Variants in DSCAM observed in about 807,000 individuals in gnomAD.
The protein encoded by DSCAM is DS cell adhesion molecule, also known as cell adhesion molecule DSCAM.
Under a neutral mutation model 217.7 loss-of-function variants are expected in DSCAM, and 47 were observed. That is an observed-to-expected ratio of 0.22 (90% CI 0.17 to 0.28). The LOEUF (loss-of-function observed/expected upper bound fraction) is 0.28, where lower values mean the gene tolerates loss of function less well. DSCAM is among the 10% of genes least tolerant of loss of function. The pLI is 1.00. For missense variants in DSCAM, 2,080 were observed against 2,618.3 expected, an observed-to-expected ratio of 0.79 and a Z score of 4.49; for synonymous variants, 1,056 against 1,015.3, an observed-to-expected ratio of 1.04 and a Z score of -0.76.
intron 3 of DSCAM, among the ~76,000 whole-genome samples, chr21:40,398,496 T>C (rs2123769352): frequency 6.6e-6 from 1 of 152,152 alleles, no homozygotes; most frequent in East Asian, 1.9e-4. Context: ...ACAAAATGAT[T>C]GGAGCTGGAC....
chr21:40,318,496 T>C (rs2074225397), intron 8 of DSCAM, among the ~76,000 whole-genome samples: 1 of 152,178 alleles, frequency 6.6e-6, no homozygotes, highest in Admixed American at 6.5e-5. Context: ...TCCCCTCTGC[T>C]GGCAGGGCCA....
In DSCAM at chr21:40,144,911, C is replaced by T. The variant is rs578082483; in HGVS notation, c.3019-180G>A. ...TGCAACTTGGTCTGTGCCAGGCACCCTTCCTTTACCTGTGAATGCATCCGG... is the reference window on the plus strand; with the variant it reads ...TGCAACTTGGTCTGTGCCAGGCACCTTTCCTTTACCTGTGAATGCATCCGG... On this transcript the variant is annotated intron_variant, in intron 16 of 32. Transcript: ENST00000400454. The surrounding 1 kb of genome is among the most constrained non-coding windows in gnomAD (Gnocchi z 4.8). Among the ~76,000 whole-genome samples, 9 of 152,134 alleles carry T rather than the reference C, an allele frequency of 5.9e-5. No homozygotes were observed. Among genetic ancestry groups the T allele is most frequent in the Non-Finnish European group, 1.3e-4 (9 of 68,028 alleles).
intron 3 of DSCAM, among the ~76,000 whole-genome samples, chr21:40,402,048 C>CTT (rs1569105527): frequency 3.0e-5 from 3 of 100,162 alleles, no homozygotes; most frequent in East Asian, 3.1e-4. Context: ...TATTCTTATT[C>CTT]CTTTTTTTTT....
intron 15 of DSCAM, among the ~76,000 whole-genome samples, chr21:40,177,339 T>C (rs979372958): frequency 1.3e-5 from 2 of 152,216 alleles, no homozygotes; most frequent in Non-Finnish European, 2.9e-5. Flanking sequence ...ATAATGTCCA[T>C]TTTGCAGATG....
chr21:40,292,315 C>A (rs377740818), intron 10 of DSCAM, among the ~76,000 whole-genome samples: 38 of 151,342 alleles, frequency 2.5e-4, no homozygotes, highest in Non-Finnish European at 4.0e-4. Flanking sequence ...AGGAAACAAG[C>A]TGAATCTGTT....
At chr21:40,660,515 A>T (rs192211122) in intron 3 of DSCAM, among the ~76,000 whole-genome samples, 18 of 152,342 alleles carry the variant, frequency 1.2e-4, no homozygotes, top group Admixed American at 2.6e-4. Flanking sequence ...CTGCTGCCAA[A>T]ACATGGCCCA....
At chr21:40,095,190 A>G (rs2089661056) in intron 20 of DSCAM, among the ~76,000 whole-genome samples, 1 of 152,218 alleles carries the variant, frequency 6.6e-6, no homozygotes, top group South Asian at 2.1e-4. Context: ...AAACCATTAT[A>G]TCTCAGGAGA....
At chr21:40,396,682 A>G (rs542247682) in intron 3 of DSCAM, among the ~76,000 whole-genome samples, 17 of 151,278 alleles carry the variant, frequency 1.1e-4, no homozygotes, top group African/African-American at 3.6e-4. Flanking sequence ...CACTGCTGCT[A>G]CTACTACTAC....
chr21:40,156,198 G>A (rs927761557), intron 16 of DSCAM, among the ~76,000 whole-genome samples: 1 of 151,740 alleles, frequency 6.6e-6, no homozygotes, highest in Admixed American at 6.6e-5. Context: ...AGCCAGTAGC[G>A]GGTGAGAGTG....
chr21:40,636,281 G>A (rs2089757291), intron 3 of DSCAM, among the ~76,000 whole-genome samples: 1 of 152,054 alleles, frequency 6.6e-6, no homozygotes, highest in Non-Finnish European at 1.5e-5. Context: ...CTGGCATACT[G>A]TGGTTCTCGG....
chr21:40,791,273 T>C (rs190183589), intron 1 of DSCAM, among the ~76,000 whole-genome samples: 2 of 152,144 alleles, frequency 1.3e-5, no homozygotes, highest in Non-Finnish European at 2.9e-5. Flanking sequence ...TTTATGTCTA[T>C]CTTCCAAGAA....
intron 3 of DSCAM, among the ~76,000 whole-genome samples, chr21:40,485,848 T>G (rs1445961075): frequency 6.6e-6 from 1 of 152,098 alleles, no homozygotes; most frequent in Non-Finnish European, 1.5e-5. Flanking sequence ...ACATACACAC[T>G]GACTTTTCAC....
intron 6 of DSCAM, among the ~76,000 whole-genome samples, chr21:40,346,035 C>G (rs770252211): frequency 1.3e-5 from 2 of 152,180 alleles, no homozygotes; most frequent in Non-Finnish European, 2.9e-5. Context: ...CTTCTGACAT[C>G]GTTATGGATC....
intron 3 of DSCAM, among the ~76,000 whole-genome samples, chr21:40,653,530 G>A (rs1002674152): frequency 6.6e-6 from 1 of 152,096 alleles, no homozygotes; most frequent in Non-Finnish European, 1.5e-5. Context: ...CTTGGTAGCT[G>A]CAGATGCCGG....
At chr21:40,487,940 T>C (rs1478635329) in intron 3 of DSCAM, among the ~76,000 whole-genome samples, 1 of 152,220 alleles carries the variant, frequency 6.6e-6, no homozygotes, top group Non-Finnish European at 1.5e-5. Flanking sequence ...CTGGTTCTTG[T>C]ACACTCTAGA....
At chr21:40,145,006 A>G (rs2090337985) in intron 16 of DSCAM, among the ~76,000 whole-genome samples, 1 of 152,154 alleles carries the variant, frequency 6.6e-6, no homozygotes, top group South Asian at 2.1e-4. Flanking sequence ...GCATGGCAGG[A>G]GCGGAATCTG....
intron 3 of DSCAM, among the ~76,000 whole-genome samples, chr21:40,430,894 T>C (rs1808822809): frequency 6.6e-6 from 1 of 152,154 alleles, no homozygotes; most frequent in Non-Finnish European, 1.5e-5. Flanking sequence ...GCATTCTTCT[T>C]CTCTAGCTGT....
chr21:40,554,119 G>A (rs1392173447), intron 3 of DSCAM, among the ~76,000 whole-genome samples: 2 of 151,300 alleles, frequency 1.3e-5, no homozygotes, highest in East Asian at 1.9e-4. Context: ...CAATCCTCCT[G>A]CCTCAGTGTC....
chr21:40,174,695 A>T (rs2090703463), intron 15 of DSCAM, among the ~76,000 whole-genome samples: 2 of 152,168 alleles, frequency 1.3e-5, no homozygotes, highest in Admixed American at 1.3e-4. Flanking sequence ...CTCCATGCTT[A>T]ACTCCAGCTC....
Sources: gnomAD v4.1 joint callset for allele counts (sites outside exome capture counted in the v4.1 genomes callset) on GRCh38, gnomAD v4.1.1 for gene constraint, Gnocchi (gnomAD v3.1) non-coding constraint, MANE v1.5 for transcripts, NCBI Gene and HGNC (gene_info 2026-07-23, HGNC 2026-07-21) for gene names.